The following GRIK4 variants were observed in gnomAD, a reference collection of about 807,000 sequenced individuals.
GRIK4 encodes the protein glutamate ionotropic receptor kainate type subunit 4.
A neutral mutation model predicts 104.9 loss-of-function variants in GRIK4; 40 were observed. The observed-to-expected ratio is 0.38, with a 90% CI of 0.30 to 0.50. The LOEUF (loss-of-function observed/expected upper bound fraction) is 0.50, where lower values mean the gene tolerates loss of function less well. Among genes scored for constraint, GRIK4 ranks in the 20% least tolerant of loss-of-function variants. GRIK4 has a pLI of 0.93. For synonymous variants in GRIK4, 485 were observed against 524.9 expected, an observed-to-expected ratio of 0.92 and a Z score of 1.04; for missense variants, 1,047 against 1,308.1, an observed-to-expected ratio of 0.80 and a Z score of 3.08.
chr11:120,722,165 G>A (rs981520831), intron 3 of GRIK4, among the ~76,000 whole-genome samples: 2 of 152,194 alleles, frequency 1.3e-5, no homozygotes, highest in Non-Finnish European at 2.9e-5. Context: ...AGCACACAAA[G>A]GGTGTGGATC....
intron 13 of GRIK4, among the ~76,000 whole-genome samples, chr11:120,933,637 T>C (rs906183641): frequency 2.6e-5 from 4 of 152,034 alleles, no homozygotes; most frequent in Admixed American, 2.0e-4. Context: ...TAGCCCCTTA[T>C]TGATATGGCA....
At chr11:120,640,627 T>C (rs933737181) in intron 1 of GRIK4, among the ~76,000 whole-genome samples, 10 of 152,254 alleles carry the variant, frequency 6.6e-5, no homozygotes, top group African/African-American at 2.4e-4. Flanking sequence ...TGTAACTTTC[T>C]TTTAACCATA....
intron 3 of GRIK4, among the ~76,000 whole-genome samples, chr11:120,741,539 A>C (rs1951334835): frequency 6.6e-6 from 1 of 152,040 alleles, no homozygotes; most frequent in Non-Finnish European, 1.5e-5. Flanking sequence ...CAGCCTCCCA[A>C]AGTGCTGGGA....
At chr11:120,714,059 A>G (rs2135360747) in intron 3 of GRIK4, among the ~76,000 whole-genome samples, 1 of 152,334 alleles carries the variant, frequency 6.6e-6, no homozygotes, top group South Asian at 2.1e-4. Context: ...TTAAGAGATA[A>G]TGTCTATGAC....
In GRIK4 at chr11:120,852,230, G is replaced by A. The variant is rs529393666; in HGVS notation, c.745-9729G>A. Among the ~76,000 whole-genome samples the A allele has an allele frequency of 1.0e-3, 158 of 152,346 alleles. 1 individual carries two copies. Among genetic ancestry groups the A allele is most frequent in the African/African-American group, 3.6e-3 (148 of 41,580 alleles). On this transcript the variant is annotated intron_variant, in intron 8 of 20. Coordinates refer to ENST00000527524, the MANE Select transcript of GRIK4 (RefSeq NM_014619.5). ...AAATAAAAAAATGAAGACAGACCCA[G>A]CTGCTGCTGAGGAGGTAAGAGGGCT...
At chr11:120,803,531 G>A (rs1022422740) in intron 4 of GRIK4, among the ~76,000 whole-genome samples, 8 of 152,058 alleles carry the variant, frequency 5.3e-5, no homozygotes, top group Non-Finnish European at 1.0e-4. Context: ...TCTGCCTCCC[G>A]CGTTCAAGTG....
chr11:120,807,319 G>C (rs933895529), intron 4 of GRIK4, among the ~76,000 whole-genome samples: 2 of 152,124 alleles, frequency 1.3e-5, no homozygotes, highest in African/African-American at 2.4e-5. Flanking sequence ...CTGAGGCTCC[G>C]TCCCAGCTTG....
At position 120,517,380 on chromosome 11, in the gene GRIK4, T is replaced by A. The variant is rs556409404; in HGVS notation, c.-159+5493T>A. ...TCCCAGGCTCCTTGGTGCGATCCTCTCCTGTCCTCAGTGTCCAGCCTCTTG... is the reference window on the plus strand; with the variant it reads ...TCCCAGGCTCCTTGGTGCGATCCTCACCTGTCCTCAGTGTCCAGCCTCTTG... On this transcript the variant is annotated intron_variant, in intron 1 of 20. Transcript: ENST00000527524. 2.7e-5 allele frequency among the ~76,000 whole-genome samples: 4 copies of A among 148,970 alleles called. No individual in the cohort carries two copies. The East Asian group carries it at 7.8e-4, about 29-fold the overall frequency.
chr11:120,612,157 A>T (rs1304609703), intron 1 of GRIK4, among the ~76,000 whole-genome samples: 1 of 152,124 alleles, frequency 6.6e-6, no homozygotes, highest in East Asian at 1.9e-4. Context: ...TATGTGATGT[A>T]TCTCCTTTGC....
At chr11:120,664,097 G>C (rs1949865051) in intron 3 of GRIK4, among the ~76,000 whole-genome samples, 1 of 152,234 alleles carries the variant, frequency 6.6e-6, no homozygotes, top group Non-Finnish European at 1.5e-5. Flanking sequence ...GTGATGGATA[G>C]ATGAATCCAT....
Position 120,812,001 on chromosome 11 carries a change from G to A in GRIK4, c.248-3377G>A, listed in dbSNP as rs542424578. On this transcript the variant is annotated intron_variant, in intron 4 of 20. Coordinates refer to ENST00000527524, the MANE Select transcript of GRIK4 (RefSeq NM_014619.5). ...GCCTTGGGGGCACACTCCGATCTAC[G>A]TTTTAGGACTATAATTTGCCCCACC... Among the ~76,000 whole-genome samples, 92 of 152,288 alleles carry A rather than the reference G, an allele frequency of 6.0e-4. 1 individual carries two copies. The South Asian group carries it at 0.013, about 21-fold the overall frequency.
chr11:120,815,164 A>T (rs1455003821), intron 4 of GRIK4, among the ~76,000 whole-genome samples: 1 of 152,224 alleles, frequency 6.6e-6, no homozygotes, highest in Non-Finnish European at 1.5e-5. Context: ...TCCTCATTTA[A>T]TGCTGCCCAT....
intron 3 of GRIK4, among the ~76,000 whole-genome samples, chr11:120,661,428 C>G (rs1163591494): frequency 6.6e-6 from 1 of 152,080 alleles, no homozygotes; most frequent in Non-Finnish European, 1.5e-5. Context: ...TGAGGCCCCT[C>G]TTCCCACACT....
At chr11:120,551,245 C>T (rs1293985957) in intron 1 of GRIK4, among the ~76,000 whole-genome samples, 1 of 152,180 alleles carries the variant, frequency 6.6e-6, no homozygotes, top group African/African-American at 2.4e-5. Context: ...GTCCCTGGCT[C>T]ATAACTCCCA....
rs1193631390 is a variant in GRIK4 at position 120,848,401 on chromosome 11, C to T, written c.744+11557C>T. On this transcript the variant is annotated intron_variant, in intron 8 of 20. Coordinates refer to ENST00000527524, the MANE Select transcript of GRIK4 (RefSeq NM_014619.5). ...CTAGCGCAGGCTCTGGTTCAGGGGG[C>T]ATTTGAATCAAGCCACTGCCTTACT... 4.6e-5 allele frequency among the ~76,000 whole-genome samples: 7 copies of T among 152,192 alleles called. No individual in the cohort carries two copies. The East Asian group carries it at 1.3e-3, about 29-fold the overall frequency.
intron 3 of GRIK4, among the ~76,000 whole-genome samples, chr11:120,714,292 G>A (rs181323795): frequency 6.6e-6 from 1 of 152,370 alleles, no homozygotes; most frequent in East Asian, 1.9e-4. Context: ...GAAAGTGCTA[G>A]TGCGTGTGAT....
intron 13 of GRIK4, among the ~76,000 whole-genome samples, chr11:120,927,169 C>CGTTG (rs1943365867): frequency 8.5e-6 from 1 of 117,342 alleles, no homozygotes; most frequent in Admixed American, 9.9e-5. Flanking sequence ...TGGTGGGCCA[C>CGTTG]GGTAAGGAGT....
chr11:120,852,155 C>T (rs868279594), intron 8 of GRIK4, among the ~76,000 whole-genome samples: 53 of 152,228 alleles, frequency 3.5e-4, no homozygotes, highest in African/African-American at 1.3e-3. Flanking sequence ...CAGTTAACCA[C>T]ACAGTTAATA....
intron 9 of GRIK4, chr11:120,873,615 C>T (rs1285029210): frequency 1.3e-5 from 2 of 159,998 alleles, no homozygotes; most frequent in Non-Finnish European, 2.7e-5. Context: ...GAAACAATAT[C>T]GTGGGGTCTT....
Sources: allele counts gnomAD v4.1 joint callset (sites outside exome capture counted in the v4.1 genomes callset), GRCh38; gene constraint gnomAD v4.1.1; transcripts MANE v1.5; gene names NCBI Gene and HGNC (gene_info 2026-07-23, HGNC 2026-07-21).